ZFPM2: variants seen among roughly 807,000 people sequenced by gnomAD.
The protein encoded by ZFPM2 is zinc finger protein ZFPM2.
ZFPM2 carries 20 observed loss-of-function variants against 98.6 expected under a neutral mutation model. The ratio of observed to expected loss-of-function variants is 0.20; its 90% CI spans 0.14 to 0.29. The LOEUF is 0.29. ZFPM2 is among the 10% of genes least tolerant of loss of function. The pLI, the probability that ZFPM2 is intolerant of heterozygous loss-of-function variation, is 1.00. For missense variants in ZFPM2, 1,310 were observed against 1,388.6 expected (o/e 0.94, Z 0.90); for synonymous variants, 518 against 502.7 (o/e 1.03, Z -0.41).
intron 1 of ZFPM2, among the ~76,000 whole-genome samples, chr8:105,370,756 T>C (rs1810606211): frequency 6.6e-6 from 1 of 152,184 alleles, no homozygotes; most frequent in African/African-American, 2.4e-5. Context: ...TAACTTACAG[T>C]GTATGTGCTG....
At chr8:105,401,597 C>T (rs1461785209) in intron 1 of ZFPM2, among the ~76,000 whole-genome samples, 1 of 152,064 alleles carries the variant, frequency 6.6e-6, no homozygotes, top group African/African-American at 2.4e-5. Context: ...GCCTTCAGGT[C>T]ATCTTACTTG....
At chr8:105,760,002 G>A (rs1276121943) in intron 5 of ZFPM2, among the ~76,000 whole-genome samples, 2 of 152,022 alleles carry the variant, frequency 1.3e-5, no homozygotes, top group Non-Finnish European at 2.9e-5. Flanking sequence ...TTAATTCAGA[G>A]GTCAGCCGAT....
intron 1 of ZFPM2, among the ~76,000 whole-genome samples, chr8:105,412,743 A>G (rs561532775): frequency 6.6e-6 from 1 of 151,854 alleles, no homozygotes; most frequent in East Asian, 1.9e-4. Context: ...ATGAGTTAGT[A>G]TGGGTTTGCA....
In ZFPM2 at chr8:105,625,971, G is replaced by GAA. The variant is rs529659546; in HGVS notation, c.421-8264_421-8263dup. 2.6e-4 allele frequency among the ~76,000 whole-genome samples: 36 copies of GAA among 138,554 alleles called. 2 individuals carry two copies. The highest frequency in any genetic ancestry group is 2.5e-3 in the Admixed American group (34 of 13,676). 90.9% of individuals were successfully genotyped at this position (138,554 alleles called of 152,430 possible). Reference sequence around the variant, plus strand: ...GTTTAAAATGACACTCTATTTTCTGGAAAAAAAAAAAAGAGAAAGAAAGAA... The same window carrying GAA: ...GTTTAAAATGACACTCTATTTTCTGGAAAAAAAAAAAAAAGAGAAAGAAAGAA... On this transcript the variant is annotated intron_variant, in intron 4 of 7. Transcript: ENST00000407775.
At chr8:105,738,435 G>C (rs1282843680) in intron 5 of ZFPM2, among the ~76,000 whole-genome samples, 2 of 151,996 alleles carry the variant, frequency 1.3e-5, no homozygotes, top group Non-Finnish European at 2.9e-5. Context: ...TGGACATTTA[G>C]GTTGATTCCA....
intron 3 of ZFPM2, among the ~76,000 whole-genome samples, chr8:105,459,132 G>A (rs1251009985): frequency 6.6e-6 from 1 of 152,026 alleles, no homozygotes; most frequent in Non-Finnish European, 1.5e-5. Flanking sequence ...ATAGTGCAGT[G>A]GTGCAACCAC....
chr8:105,742,415 G>T (rs1295736596), intron 5 of ZFPM2, among the ~76,000 whole-genome samples: 2 of 145,856 alleles, frequency 1.4e-5, no homozygotes, highest in African/African-American at 2.5e-5. Context: ...TGGAGTAAAA[G>T]TTCTAGAAAG....
chr8:105,435,296 T>C (rs971357636), intron 2 of ZFPM2, among the ~76,000 whole-genome samples: 2 of 152,226 alleles, frequency 1.3e-5, no homozygotes, highest in African/African-American at 4.8e-5. Flanking sequence ...GGAAATATTA[T>C]AGATTTTGTT....
intron 5 of ZFPM2, among the ~76,000 whole-genome samples, chr8:105,757,677 C>T (rs1354136027): frequency 1.3e-5 from 2 of 152,120 alleles, no homozygotes; most frequent in Non-Finnish European, 2.9e-5. Context: ...TACACACCTA[C>T]CAACAATCTG....
intron 5 of ZFPM2, among the ~76,000 whole-genome samples, chr8:105,736,838 T>C (rs1812083798): frequency 6.6e-6 from 1 of 152,076 alleles, no homozygotes; most frequent in African/African-American, 2.4e-5. Flanking sequence ...CTTGCAGACA[T>C]TTCTCCTATA....
intron 3 of ZFPM2, among the ~76,000 whole-genome samples, chr8:105,551,703 C>T (rs1814857083): frequency 6.6e-6 from 1 of 152,170 alleles, no homozygotes. Flanking sequence ...TCTCCACTCC[C>T]AGCTGGAACC....
intron 1 of ZFPM2, among the ~76,000 whole-genome samples, chr8:105,368,582 A>T (rs1296370996): frequency 6.6e-6 from 1 of 152,144 alleles, no homozygotes; most frequent in Non-Finnish European, 1.5e-5. Context: ...TCTTAATTTT[A>T]TTCCTGATTT....
At chr8:105,552,689 G>C (rs10092486) in intron 3 of ZFPM2, among the ~76,000 whole-genome samples, 102,440 of 151,962 alleles carry the variant, frequency 0.67, 35,947 homozygotes, top group African/African-American at 0.9. Context: ...TAGAGCAAAG[G>C]GCAGAATATG....
At chr8:105,387,018 A>G (rs1811005738) in intron 1 of ZFPM2, 2 of 152,706 alleles carry the variant, frequency 1.3e-5, no homozygotes, top group South Asian at 4.1e-4. Flanking sequence ...TGAGCTAGAT[A>G]CAGAGTGCCG....
At chr8:105,688,608 T>C (rs1242965674) in intron 5 of ZFPM2, among the ~76,000 whole-genome samples, 3 of 152,124 alleles carry the variant, frequency 2.0e-5, no homozygotes, top group Admixed American at 6.5e-5. Flanking sequence ...ATTCATAGAT[T>C]TTTTTGTTGA....
chr8:105,345,949 TG>T (rs977202816), intron 1 of ZFPM2, among the ~76,000 whole-genome samples: 1 of 152,212 alleles, frequency 6.6e-6, no homozygotes, highest in African/African-American at 2.4e-5. Flanking sequence ...CTGATTTGAA[TG>T]TTTTTTTCAA....
intron 5 of ZFPM2, among the ~76,000 whole-genome samples, chr8:105,682,373 A>C (rs749194580): frequency 3.3e-5 from 5 of 152,202 alleles, no homozygotes; most frequent in African/African-American, 4.8e-5. Context: ...GGTGGAGGGA[A>C]GAACAAATGC....
intron 1 of ZFPM2, among the ~76,000 whole-genome samples, chr8:105,392,429 C>T (rs1811126860): frequency 6.6e-6 from 1 of 152,134 alleles, no homozygotes; most frequent in Admixed American, 6.6e-5. Context: ...TGCAGTGTAT[C>T]TACATAATCT....
intron 5 of ZFPM2, chr8:105,662,286 C>G (rs556748184): frequency 4.6e-5 from 7 of 151,928 alleles, no homozygotes; most frequent in South Asian, 2.1e-4. Flanking sequence ...GAAAAGGAGA[C>G]GAGAAGGGGG....
Sources: allele counts gnomAD v4.1 joint callset (sites outside exome capture counted in the v4.1 genomes callset), GRCh38; gene constraint gnomAD v4.1.1; transcripts MANE v1.5; gene names NCBI Gene and HGNC (gene_info 2026-07-23, HGNC 2026-07-21).